The following NHSL3 variants were observed in gnomAD, a reference collection of about 807,000 sequenced individuals.
The protein encoded by NHSL3 is NHS-like protein 3.
chr1:32,765,595 T>C, the NHSL3 span: 1 of 1,491,290 alleles, frequency 6.7e-7, no homozygotes, highest in South Asian at 1.3e-5. Context: ...GTGGCGAAGG[T>C]GGGAGGAGGA....
At chr1:32,750,250 T>C in the NHSL3 span, among the ~76,000 whole-genome samples, 1 of 152,150 alleles carries the variant, frequency 6.6e-6, no homozygotes, top group Non-Finnish European at 1.5e-5. Flanking sequence ...CACTGTACTC[T>C]ATGCCCTTGT....
chr1:32,765,603 G>A, the NHSL3 span: 1 of 1,507,880 alleles, frequency 6.6e-7, no homozygotes, highest in South Asian at 1.3e-5. Flanking sequence ...GGTGGGAGGA[G>A]GACATGGAGA....
At chr1:32,749,818 C>A in the NHSL3 span, among the ~76,000 whole-genome samples, 1 of 152,198 alleles carries the variant, frequency 6.6e-6, no homozygotes, top group African/African-American at 2.4e-5. Context: ...TCAGTGTGCT[C>A]TCCCCATACT....
the NHSL3 span, chr1:32,765,930 TG>T: frequency 9.0e-7 from 1 of 1,114,348 alleles, no homozygotes; most frequent in Non-Finnish European, 1.3e-6. Flanking sequence ...AGTAATGGGG[TG>T]GGGCTGGGGG....
chr1:32,768,707 C>T, the NHSL3 span: 1 of 1,614,184 alleles, frequency 6.2e-7, no homozygotes, highest in Non-Finnish European at 8.5e-7. Context: ...CAGACCACAT[C>T]CTACGTGGCT....
the NHSL3 span, among the ~76,000 whole-genome samples, chr1:32,752,977 T>G: frequency 7.8e-6 from 1 of 128,642 alleles, no homozygotes; most frequent in Non-Finnish European, 1.6e-5. Flanking sequence ...ATTTTGGTTT[T>G]TTTTTTTTTG....
chr1:32,771,846 G>A, the NHSL3 span: 29 of 1,605,356 alleles, frequency 1.8e-5, no homozygotes, highest in Non-Finnish European at 2.4e-5. Flanking sequence ...TGGTGCGGCT[G>A]CGCTCCGTGG....
At chr1:32,769,358 A>C in the NHSL3 span, among the ~76,000 whole-genome samples, 1 of 152,294 alleles carries the variant, frequency 6.6e-6, no homozygotes, top group Admixed American at 6.5e-5. Flanking sequence ...ACCTCTCTGA[A>C]CTTCTGTTTG....
chr1:32,771,616 A>G, the NHSL3 span: 1 of 1,612,422 alleles, frequency 6.2e-7, no homozygotes, highest in East Asian at 2.2e-5. Flanking sequence ...AGAGCTTGTC[A>G]GCTCCCCGGC....
the NHSL3 span, among the ~76,000 whole-genome samples, chr1:32,756,892 C>G: frequency 6.6e-6 from 1 of 151,846 alleles, no homozygotes; most frequent in Non-Finnish European, 1.5e-5. Context: ...TCACTTGAAC[C>G]CAGGAGGTGG....
chr1:32,771,556 G>A, the NHSL3 span: 1 of 1,609,224 alleles, frequency 6.2e-7, no homozygotes, highest in Non-Finnish European at 8.5e-7. Flanking sequence ...ACCAGAGGAG[G>A]CTTTTTTCTC....
chr1:32,765,786 G>T, the NHSL3 span: 1 of 1,547,722 alleles, frequency 6.5e-7, no homozygotes, highest in Non-Finnish European at 8.7e-7. Context: ...GTGTTCGTTG[G>T]CCGCCGCCTC....
the NHSL3 span, among the ~76,000 whole-genome samples, chr1:32,766,196 G>A: frequency 6.6e-6 from 1 of 152,124 alleles, no homozygotes; most frequent in Non-Finnish European, 1.5e-5. Context: ...CAGAAGAGAG[G>A]AGAGTAGTAC....
the NHSL3 span, among the ~76,000 whole-genome samples, chr1:32,769,197 T>C: frequency 6.6e-6 from 1 of 151,716 alleles, no homozygotes; most frequent in Non-Finnish European, 1.5e-5. Context: ...GAGCTTGCAG[T>C]GAGCCGAGAT....
chr1:32,747,047 C>A, the NHSL3 span, among the ~76,000 whole-genome samples: 1 of 152,128 alleles, frequency 6.6e-6, no homozygotes, highest in Non-Finnish European at 1.5e-5. Flanking sequence ...TCTGGCCACT[C>A]AGGGAGGACT....
the NHSL3 span, chr1:32,768,820 C>G: frequency 1.3e-6 from 2 of 1,598,240 alleles, no homozygotes; most frequent in African/African-American, 2.7e-5. Context: ...TCCATTGGGT[C>G]CCAGCATCTG....
At chr1:32,746,872 G>A in the NHSL3 span, among the ~76,000 whole-genome samples, 1 of 152,172 alleles carries the variant, frequency 6.6e-6, no homozygotes, top group Admixed American at 6.6e-5. Context: ...TTGGGGAAAG[G>A]GGTATGTAGT....
the NHSL3 span, chr1:32,774,725 A>C: frequency 6.6e-6 from 1 of 152,550 alleles, no homozygotes; most frequent in Non-Finnish European, 1.5e-5. Context: ...GAGGGTCTAG[A>C]AGAGGCAGCC....
At chr1:32,757,532 T>A in the NHSL3 span, among the ~76,000 whole-genome samples, 1 of 152,018 alleles carries the variant, frequency 6.6e-6, no homozygotes, top group African/African-American at 2.4e-5. Flanking sequence ...ATTAACCAGA[T>A]GTTGAGAGTA....
Sources: allele counts gnomAD v4.1 joint callset (sites outside exome capture counted in the v4.1 genomes callset), GRCh38; gene constraint gnomAD v4.1.1; transcripts MANE v1.5; gene names NCBI Gene and HGNC (gene_info 2026-07-23, HGNC 2026-07-21).